The following CD46 variants were observed in gnomAD, a reference collection of about 807,000 sequenced individuals.
CD46 encodes membrane cofactor protein.
CD46 carries 30 observed loss-of-function variants against 53.3 expected under a neutral mutation model. That is an observed-to-expected ratio of 0.56 (90% CI 0.42 to 0.76). The LOEUF is 0.76. CD46 is among the 30% of genes least tolerant of loss of function. The probability of loss-of-function intolerance (pLI) is 0.00; values close to 1 mark genes in which losing one functional copy is unlikely to be tolerated. For synonymous variants in CD46, 142 were observed against 152.0 expected (o/e 0.93, Z 0.48); for missense variants, 409 against 463.0 (o/e 0.88, Z 1.07).
At chr1:207,770,264 A>T in intron 7 of CD46, 57 bp from the exon 8 acceptor site, 1 of 1,221,374 alleles carries the variant, frequency 8.2e-7, no homozygotes, top group South Asian at 1.2e-5. Context: ...AATTAAAGTC[A>T]TAATTTTATA....
At chr1:207,789,868 T>A (rs1659622945) in intron 11 of CD46, among the ~76,000 whole-genome samples, 1 of 110,572 alleles carries the variant, frequency 9.0e-6, no homozygotes, top group African/African-American at 3.7e-5. Context: ...ATGCTGTGTC[T>A]TGAAAAAAAA....
At position 207,782,932 on chromosome 1, in the gene CD46, C is replaced by T. The variant is rs150106955; in HGVS notation, c.944-360C>T. On this transcript the variant is annotated intron_variant, in intron 8 of 12. Coordinates refer to ENST00000367042, the MANE Select transcript of CD46 (RefSeq NM_172351.3). ...CCTCCCAAAGTGCTGGGATTACAGGCGTGAGCCACTGTGCCCGGCTAATCC... is the reference window on the plus strand; with the variant it reads ...CCTCCCAAAGTGCTGGGATTACAGGTGTGAGCCACTGTGCCCGGCTAATCC... 5.3e-5 allele frequency among the ~76,000 whole-genome samples: 8 copies of T among 151,644 alleles called. No homozygotes were observed. In the East Asian group the frequency reaches 1.4e-3, roughly 26 times the overall value.
chr1:207,790,189 C>A, intron 11 of CD46, 64 bp from the exon 12 acceptor site: 1 of 823,732 alleles, frequency 1.2e-6, no homozygotes, highest in Admixed American at 1.7e-5. Context: ...ACTTGTTATG[C>A]TACTCGTTTC....
At chr1:207,759,967 C>T in intron 4 of CD46, 2 of 352,240 alleles carry the variant, frequency 5.7e-6, no homozygotes, top group Non-Finnish European at 9.9e-6. Flanking sequence ...GGCTGGGGTG[C>T]AGTGGCACAA....
chr1:207,778,712 G>A (rs1048541912), intron 8 of CD46, among the ~76,000 whole-genome samples: 2 of 152,150 alleles, frequency 1.3e-5, no homozygotes, highest in Non-Finnish European at 2.9e-5. Flanking sequence ...TTTGAAGTCA[G>A]GTAATGTGAT....
intron 3 of CD46, among the ~76,000 whole-genome samples, chr1:207,757,996 C>T (rs1475873476): frequency 6.6e-6 from 1 of 152,166 alleles, no homozygotes; most frequent in East Asian, 1.9e-4. Flanking sequence ...GAATTGCCAA[C>T]TAAAGATACA....
chr1:207,757,217 C>T lies in CD46; in HGVS notation c.286+15C>T, dbSNP rs756903468. The T allele has an allele frequency of 6.2e-7, 1 of 1,604,096 alleles. No homozygotes were observed. Among genetic ancestry groups the T allele is most frequent in the Non-Finnish European group, 8.5e-7 (1 of 1,173,508 alleles). ...CGCCTGTTATAGTAAGTAAACAAAC[C>T]TCTTTTTTTTTTCTGCTTGCTCTAG... On this transcript the variant is annotated intron_variant, in intron 2 of 12. Coordinates refer to ENST00000367042, the MANE Select transcript of CD46 (RefSeq NM_172351.3).
chr1:207,772,996 C>G (rs561083524), intron 8 of CD46, among the ~76,000 whole-genome samples: 1 of 152,298 alleles, frequency 6.6e-6, no homozygotes, highest in Admixed American at 6.5e-5. Flanking sequence ...CTTTGTAGAT[C>G]TGGTTGAATT....
intron 8 of CD46, among the ~76,000 whole-genome samples, chr1:207,779,551 G>T (rs976137387): frequency 6.6e-6 from 1 of 152,064 alleles, no homozygotes; most frequent in Non-Finnish European, 1.5e-5. Flanking sequence ...TAGGTAGTTG[G>T]ATGTATTGAT....
At chr1:207,787,156 TG>T (rs1374441569) in intron 11 of CD46, among the ~76,000 whole-genome samples, 1 of 152,032 alleles carries the variant, frequency 6.6e-6, no homozygotes, top group Non-Finnish European at 1.5e-5. Flanking sequence ...GCTGCAACCT[TG>T]GCCTCCTGGG....
Position 207,757,579 on chromosome 1 carries a change from A to T in CD46, c.326A>T (p.Gln109Leu), listed in dbSNP as rs1188331042. 3.1e-6 allele frequency: 5 copies of T among 1,611,464 alleles called. No homozygotes were observed. The highest frequency in any genetic ancestry group is 4.2e-6 in the Non-Finnish European group (5 of 1,178,404). ...TATATACGGGATCCTTTAAATGGCC[A>T]AGCAGTCCCTGCAAATGGGACTTAC... The part of the protein sequence containing the change: ...CPYIRDPLNG[Q>L]AVPANGTYEF... Residue 109 changes from glutamine (Q) to leucine (L), a missense_variant, in exon 3 of 13, where the codon CAA (glutamine) becomes CTA (leucine). Gln to Leu is a moderately radical substitution (Grantham distance 113, BLOSUM62 -2). Coordinates refer to ENST00000367042, the MANE Select transcript of CD46 (RefSeq NM_172351.3).
At chr1:207,775,642 T>C (rs555620421) in intron 8 of CD46, among the ~76,000 whole-genome samples, 2 of 152,338 alleles carry the variant, frequency 1.3e-5, no homozygotes, top group African/African-American at 4.8e-5. Context: ...TGTTGGAGTT[T>C]GCTGGAGGTC....
chr1:207,765,653 A>G (rs1656759113), intron 5 of CD46, among the ~76,000 whole-genome samples: 1 of 152,204 alleles, frequency 6.6e-6, no homozygotes, highest in African/African-American at 2.4e-5. Flanking sequence ...ATGTAAACAC[A>G]CACACCCCAA....
intron 8 of CD46, among the ~76,000 whole-genome samples, chr1:207,775,946 T>C (rs1340155603): frequency 6.6e-6 from 1 of 152,248 alleles, no homozygotes; most frequent in Non-Finnish European, 1.5e-5. Flanking sequence ...TGCTGCGTTT[T>C]GTTCTACTAT....
chr1:207,766,160 CTCA>C (rs1656823236), intron 5 of CD46, among the ~76,000 whole-genome samples: 2 of 152,146 alleles, frequency 1.3e-5, no homozygotes, highest in South Asian at 2.1e-4. Context: ...AGAGGGGTAA[CTCA>C]CAAAAGAGCA....
intron 9 of CD46, among the ~76,000 whole-genome samples, chr1:207,784,520 C>G (rs906649707): frequency 6.6e-6 from 1 of 152,146 alleles, no homozygotes. Flanking sequence ...AACCCTTAAC[C>G]TGGAAACTGG....
chr1:207,784,016 T>G (rs1659040068), intron 9 of CD46, among the ~76,000 whole-genome samples: 1 of 152,170 alleles, frequency 6.6e-6, no homozygotes, highest in African/African-American at 2.4e-5. Context: ...AATTAAGATT[T>G]TATAGGATTA....
At chr1:207,785,901 C>T in intron 11 of CD46, 1 of 486,122 alleles carries the variant, frequency 2.1e-6, no homozygotes, top group Non-Finnish European at 3.7e-6. Flanking sequence ...AGAGTTCCTA[C>T]AGCTATTATG....
At chr1:207,781,636 A>C (rs1397334212) in intron 8 of CD46, among the ~76,000 whole-genome samples, 1 of 152,036 alleles carries the variant, frequency 6.6e-6, no homozygotes, top group Non-Finnish European at 1.5e-5. Flanking sequence ...CTTTTTTTGC[A>C]TGTGGATATC....
Sources: gnomAD v4.1 joint callset for allele counts (sites outside exome capture counted in the v4.1 genomes callset) on GRCh38, gnomAD v4.1.1 for gene constraint, MANE v1.5 for transcripts, NCBI Gene and HGNC (gene_info 2026-07-23, HGNC 2026-07-21) for gene names.